TRPM2: variants seen among roughly 807,000 people sequenced by gnomAD.
TRPM2 encodes the protein estrogen-responsive element-associated gene 1 protein.
In TRPM2, 161 loss-of-function variants were observed where a neutral mutation model predicts 174.0. The ratio of observed to expected loss-of-function variants is 0.93; its 90% confidence interval spans 0.81 to 1.05. TRPM2 has a LOEUF of 1.05. TRPM2 is among the 50% of genes least tolerant of loss of function. The probability of loss-of-function intolerance (pLI) is 0.00; values close to 1 mark genes in which losing one functional copy is unlikely to be tolerated. For synonymous variants in TRPM2, 954 were observed against 861.3 expected, an observed-to-expected ratio of 1.11 and a Z score of -1.88; for missense variants, 2,057 against 2,038.0, an observed-to-expected ratio of 1.01 and a Z score of -0.18.
chr21:44,395,648 C>A, intron 12 of TRPM2, 97 bp downstream of exon 12: 1 of 1,558,806 alleles, frequency 6.4e-7, no homozygotes, highest in African/African-American at 1.4e-5. Context: ...AGCCTGAGGC[C>A]AAGTGCACGT....
intron 27 of TRPM2, among the ~76,000 whole-genome samples, chr21:44,427,423 G>T (rs2050843767): frequency 6.6e-6 from 1 of 152,218 alleles, no homozygotes; most frequent in African/African-American, 2.4e-5. Context: ...CAGAGGATGG[G>T]CAGGGGCTGT....
chr21:44,350,627 G>A (rs1228491242), upstream of TRPM2, among the ~76,000 whole-genome samples: 1 of 140,022 alleles, frequency 7.1e-6, no homozygotes, highest in Non-Finnish European at 1.6e-5. Context: ...GCGCGGTGGG[G>A]TGCAGGGGCG....
rs529501850 is a variant in TRPM2, at chr21:44,397,870, G to A, written c.2056G>A (p.Ala686Thr). ...GCTGGCGGAGGAGTATGAGCACAGAGCCATCGGTGAGCTCTGCCGGGCACG... is the reference window on the plus strand; with the variant it reads ...GCTGGCGGAGGAGTATGAGCACAGAACCATCGGTGAGCTCTGCCGGGCACG... ...LALAEEYEHR[A>T]IGVFTECYRK... The change falls in exon 13 of 32, where the codon GCC becomes ACC. Residue 686 changes from alanine (A) to threonine (T), a missense_variant. By Grantham distance (58) the Ala-to-Thr change is moderately conservative (BLOSUM62 0). Coordinates refer to ENST00000397928, the MANE Select transcript of TRPM2 (RefSeq NM_003307.4). The A allele has an allele frequency of 4.4e-6, 7 of 1,601,622 alleles. No homozygotes were observed. The highest frequency in any genetic ancestry group is 6.0e-6 in the Non-Finnish European group (7 of 1,174,334).
At chr21:44,429,364 T>C (rs772644798) in intron 27 of TRPM2, among the ~76,000 whole-genome samples, 52 of 134,052 alleles carry the variant, frequency 3.9e-4, no homozygotes, top group Non-Finnish European at 6.9e-4. Flanking sequence ...CTTGGCTCAC[T>C]ACAACCTCTG....
Position 44,395,546 on chromosome 21 carries a change from G to C in TRPM2, c.1927G>C (p.Ala643Pro), listed in dbSNP as rs1335651491. Residue 643 changes from alanine (A) to proline (P), a missense_variant, in exon 12 of 32, where the codon GCT becomes CCT. Physicochemically the swap from Ala to Pro is conservative, Grantham distance 27. Transcript: ENST00000397928. ...NRRELAGIIW[A>P]QSQDCIAAAL... ...TCGGGAGCTGGCAGGAATCATCTGG[G>C]CTCAGGTAATAAGACTGGCTTCTCA... 3 of 1,612,778 alleles carry C rather than the reference G, an allele frequency of 1.9e-6. No individual in the cohort carries two copies. Among genetic ancestry groups the C allele is most frequent in the Non-Finnish European group, 2.5e-6 (3 of 1,179,930 alleles).
Position 44,438,732 on chromosome 21 carries a change from C to T in TRPM2, c.4168-335C>T, listed in dbSNP as rs926379447. Among the ~76,000 whole-genome samples the T allele has an allele frequency of 1.3e-5, 2 of 152,110 alleles. No individual in the cohort carries two copies. The highest frequency in any genetic ancestry group is 2.9e-5 in the Non-Finnish European group (2 of 67,990). Reference sequence around the variant, plus strand: ...ACTGGGCGGGAGCTGGGAGGGGCGACGCGGGGGCAGGCGCCAGGGGAGCGG... The same window carrying T: ...ACTGGGCGGGAGCTGGGAGGGGCGATGCGGGGGCAGGCGCCAGGGGAGCGG... On this transcript the variant is annotated intron_variant, in intron 29 of 31. Coordinates refer to ENST00000397928, the MANE Select transcript of TRPM2 (RefSeq NM_003307.4). This position sits in a 1 kb window ranked among gnomAD's most constrained non-coding sequence, Gnocchi z 5.9.
chr21:44,378,412 G>A (rs2048771612), intron 7 of TRPM2, among the ~76,000 whole-genome samples: 1 of 152,232 alleles, frequency 6.6e-6, no homozygotes, highest in Admixed American at 6.5e-5. Flanking sequence ...ATTGCAGGAG[G>A]TCAAAACAGA....
intron 25 of TRPM2, 119 bp downstream of exon 25, chr21:44,425,946 G>T (rs1266171934): frequency 3.1e-6 from 4 of 1,272,616 alleles, no homozygotes; most frequent in African/African-American, 3.0e-5. Context: ...GCCACAGGGG[G>T]ATCTGTGCGT....
chr21:44,350,928 T>C (rs2047918395), upstream of TRPM2, among the ~76,000 whole-genome samples: 2 of 152,176 alleles, frequency 1.3e-5, no homozygotes, highest in Admixed American at 6.5e-5. Flanking sequence ...GGGCGCTTAC[T>C]TCCTCCGTCC....
At chr21:44,374,694 G>A (rs571466256) in intron 5 of TRPM2, among the ~76,000 whole-genome samples, 37 of 152,212 alleles carry the variant, frequency 2.4e-4, no homozygotes, top group South Asian at 6.2e-4. Flanking sequence ...CTAATGCCGC[G>A]GATCTGACAG....
At position 44,353,642 on chromosome 21, in the gene TRPM2, G is replaced by A. The variant is rs1267670903; in HGVS notation, c.-59G>A. On this transcript the variant is annotated 5_prime_UTR_variant, in exon 1 of 32. Transcript: ENST00000397928. ...CTCTAGAACCCCAGTGTAGCGAGCT[G>A]GAGAGAGGACTGTCCTGAGGGCAGC... 9.3e-6 allele frequency: 13 copies of A among 1,402,344 alleles called. No individual in the cohort carries two copies. In the East Asian group the frequency reaches 2.1e-4, roughly 23 times the overall value. 86.9% of individuals were successfully genotyped at this position (1,402,344 alleles called of 1,614,324 possible). A position where few individuals can be genotyped will look rare whatever the true frequency, so the allele number is the denominator to read the frequency against.
chr21:44,382,492 G>C (rs929870487), intron 8 of TRPM2, among the ~76,000 whole-genome samples: 5 of 152,132 alleles, frequency 3.3e-5, no homozygotes, highest in Non-Finnish European at 7.4e-5. Flanking sequence ...CGTTGCCCTT[G>C]GATTGTGTTT....
rs1030073030 is a variant in TRPM2 at position 44,425,396 on chromosome 21, C to T, written c.3638-274C>T. ...CAAGGAGCATATTTGCCCTCGTAAC[C>T]GCACTGCGAGTTCAGCTCATTGCCG... On this transcript the variant is annotated intron_variant, in intron 24 of 31. Transcript: ENST00000397928. The T allele has an allele frequency of 1.4e-5, 6 of 436,480 alleles. No individual in the cohort carries two copies. In the South Asian group the frequency reaches 2.5e-4, roughly 18 times the overall value. The allele number at this position is 436,480 out of a possible 1,614,324, so 27.0% of individuals were successfully genotyped here. A position where few individuals can be genotyped will look rare whatever the true frequency, so the allele number is the denominator to read the frequency against.
chr21:44,366,974 G>T lies in TRPM2; in HGVS notation c.604+40G>T. 1.9e-6 allele frequency: 3 copies of T among 1,539,180 alleles called. No homozygotes were observed. The highest frequency in any genetic ancestry group is 1.3e-5 in the South Asian group (1 of 79,956). On this transcript the variant is annotated intron_variant, in intron 4 of 31. Coordinates refer to ENST00000397928, the MANE Select transcript of TRPM2 (RefSeq NM_003307.4). This position sits in a 1 kb window ranked among gnomAD's most constrained non-coding sequence, Gnocchi z 6.0. ...GGAGGGACACGAGGCCCCGGCGGGT[G>T]GGGTGGGCTGTGGAGGCAGTGCTGG... is the stretch of plus-strand genomic sequence containing the variant.
intron 24 of TRPM2, chr21:44,425,350 C>T (rs1479635339): frequency 7.4e-6 from 3 of 406,690 alleles, no homozygotes; most frequent in Non-Finnish European, 1.3e-5. Flanking sequence ...CTTCCTCGGG[C>T]TGCTGAGTTT....
rs547075317 is a variant in TRPM2, at chr21:44,354,677, A to T, written c.195A>T (p.Glu65Asp). The T allele has an allele frequency of 6.2e-7, 1 of 1,614,216 alleles. No homozygotes were observed. Among genetic ancestry groups the T allele is most frequent in the Non-Finnish European group, 8.5e-7 (1 of 1,180,036 alleles). Residue 65 changes from glutamate (E) to aspartate (D), a missense_variant, in exon 2 of 32, where the codon GAA (glutamate) becomes GAT (aspartate). Glu to Asp is a conservative substitution (Grantham distance 45). Coordinates refer to ENST00000397928, the MANE Select transcript of TRPM2 (RefSeq NM_003307.4). This position sits in a 1 kb window ranked among gnomAD's most constrained non-coding sequence, Gnocchi z 4.3. ...KQESLSSWIP[E>D]NIKKKECVYF... ...AAAGCCTCAGTTCGTGGATTCCTGA[A>T]AACATCAAGAAGAAAGAATGCGTGT...
rs112098607 is a variant in TRPM2 at position 44,419,025 on chromosome 21, T to A, written c.3461+470T>A. ...CTCAGCTCCTCCCATCTTGCTTCTT[T>A]CCAAGGTGCGAGGTCAGTGTTGGGG... On this transcript the variant is annotated intron_variant, in intron 22 of 31. Transcript: ENST00000397928. Among the ~76,000 whole-genome samples, 746 of 152,318 alleles carry A rather than the reference T, an allele frequency of 4.9e-3. 4 individuals carry two copies. The highest frequency in any genetic ancestry group is 0.017 in the African/African-American group (697 of 41,572).
intron 16 of TRPM2, among the ~76,000 whole-genome samples, chr21:44,404,524 C>T (rs187667138): frequency 1.0e-3 from 155 of 152,338 alleles, no homozygotes; most frequent in African/African-American, 3.4e-3. Context: ...TGCATTGTTC[C>T]TCCACGTCCT....
chr21:44,382,178 G>C (rs190052882), intron 8 of TRPM2, among the ~76,000 whole-genome samples: 1 of 152,190 alleles, frequency 6.6e-6, no homozygotes, highest in Middle Eastern at 3.4e-3. Flanking sequence ...TAGATAGATA[G>C]ATACATACAT....
Sources: gnomAD v4.1 joint callset for allele counts (sites outside exome capture counted in the v4.1 genomes callset) on GRCh38, gnomAD v4.1.1 for gene constraint, Gnocchi (gnomAD v3.1) non-coding constraint, MANE v1.5 for transcripts, NCBI Gene and HGNC (gene_info 2026-07-23, HGNC 2026-07-21) for gene names.